ANO3: variants seen among roughly 807,000 people sequenced by gnomAD.
The protein encoded by ANO3 is anoctamin-3.
A neutral mutation model predicts 144.8 loss-of-function variants in ANO3; 99 were observed. That is an observed-to-expected ratio of 0.68 (90% confidence interval 0.58 to 0.81). The LOEUF (loss-of-function observed/expected upper bound fraction) is 0.81. Ranked by LOEUF, ANO3 falls within the 30% of genes least tolerant of loss-of-function variation. ANO3 has a pLI of 0.00. For synonymous variants in ANO3, 414 were observed against 392.6 expected, an observed-to-expected ratio of 1.05 and a Z score of -0.64; for missense variants, 905 against 1,202.2, an observed-to-expected ratio of 0.75 and a Z score of 3.66.
intron 1 of ANO3, among the ~76,000 whole-genome samples, chr11:26,385,893 G>GTTTATATATATATATATA (rs1183332896): frequency 1.4e-5 from 2 of 143,694 alleles, no homozygotes; most frequent in African/African-American, 2.7e-5. Context: ...CTTTGTGTGT[G>GTTTATATATATATATATA]TATATATATT....
At chr11:26,202,302 AT>A (rs1370956877) in intron 1 of ANO3, among the ~76,000 whole-genome samples, 2 of 144,368 alleles carry the variant, frequency 1.4e-5, no homozygotes, top group Non-Finnish European at 3.0e-5. Context: ...ATAGATACAT[AT>A]TATATATATC....
At chr11:26,563,343 A>G (rs1181356466) in intron 14 of ANO3, 9 of 1,366,682 alleles carry the variant, frequency 6.6e-6, no homozygotes, top group Non-Finnish European at 8.9e-6. Flanking sequence ...AACTTTCCAT[A>G]TAACAAAGAA....
At chr11:26,193,449 C>T (rs1050540588) in intron 1 of ANO3, among the ~76,000 whole-genome samples, 68 of 152,192 alleles carry the variant, frequency 4.5e-4, no homozygotes, top group African/African-American at 1.6e-3. Flanking sequence ...CCAATTTTGC[C>T]TATCTTTAGA....
At chr11:26,192,394 G>C (rs1192556386) in intron 1 of ANO3, among the ~76,000 whole-genome samples, 2 of 152,070 alleles carry the variant, frequency 1.3e-5, no homozygotes, top group Non-Finnish European at 2.9e-5. Flanking sequence ...TAATCTCAGT[G>C]GTGTGGCAGT....
chr11:26,517,259 G>A (rs968387115), intron 6 of ANO3, among the ~76,000 whole-genome samples: 4 of 151,928 alleles, frequency 2.6e-5, no homozygotes, highest in Admixed American at 6.6e-5. Context: ...TTTTGTGGAA[G>A]GCAGAAAGTA....
chr11:26,484,989 C>T (rs1055809820), intron 4 of ANO3, among the ~76,000 whole-genome samples: 1 of 152,134 alleles, frequency 6.6e-6, no homozygotes, highest in Non-Finnish European at 1.5e-5. Context: ...GGTGTGTTTA[C>T]CTAATGCCTG....
intron 1 of ANO3, among the ~76,000 whole-genome samples, chr11:26,420,866 ATT>A: frequency 6.6e-6 from 1 of 152,118 alleles, no homozygotes; most frequent in Non-Finnish European, 1.5e-5. Context: ...AATGGGCATT[ATT>A]TTTTTCTTTT....
At chr11:26,566,351 A>G (rs1390971317) in intron 14 of ANO3, among the ~76,000 whole-genome samples, 1 of 152,042 alleles carries the variant, frequency 6.6e-6, no homozygotes, top group Non-Finnish European at 1.5e-5. Flanking sequence ...GTCATTTGAA[A>G]TATTTATTAT....
At chr11:26,448,022 G>A (rs761331545) in intron 3 of ANO3, among the ~76,000 whole-genome samples, 12 of 152,284 alleles carry the variant, frequency 7.9e-5, no homozygotes, top group Admixed American at 3.3e-4. Context: ...TTTTAGGGCC[G>A]GGTGCAGTGG....
At chr11:26,319,199 A>T (rs1854700263) in intron 1 of ANO3, among the ~76,000 whole-genome samples, 1 of 150,902 alleles carries the variant, frequency 6.6e-6, no homozygotes, top group Non-Finnish European at 1.5e-5. Context: ...GGGTCTTTCT[A>T]TGATGCCAGG....
At chr11:26,564,765 A>T (rs1458956429) in intron 14 of ANO3, among the ~76,000 whole-genome samples, 3,714 of 101,442 alleles carry the variant, frequency 0.037, 259 homozygotes, top group Non-Finnish European at 0.057. Context: ...ATATATATAT[A>T]TATATATATA....
At chr11:26,492,519 T>C (rs1200665725) in intron 4 of ANO3, among the ~76,000 whole-genome samples, 1 of 152,216 alleles carries the variant, frequency 6.6e-6, no homozygotes, top group Non-Finnish European at 1.5e-5. Context: ...TGATTTATCA[T>C]TTAATATCTG....
rs911890967 is a variant in ANO3, at chr11:26,662,338, A to G, written c.*1894A>G. 2 of 151,722 alleles carry G rather than the reference A, an allele frequency of 1.3e-5. No homozygotes were observed. Among genetic ancestry groups the G allele is most frequent in the Admixed American group, 6.6e-5 (1 of 15,176 alleles). The allele number at this position is 151,722 out of a possible 1,614,324, so 9.4% of individuals were successfully genotyped here. ...CTCCCCCCCCTCCTTATTTGTAGCAATCGTAGCAACTAATTCCACTAAGTA... is the reference window on the plus strand; with the variant it reads ...CTCCCCCCCCTCCTTATTTGTAGCAGTCGTAGCAACTAATTCCACTAAGTA... On this transcript the variant is annotated 3_prime_UTR_variant, in exon 27 of 27. Transcript: ENST00000256737.
At chr11:26,350,686 T>C (rs1855625581) in intron 1 of ANO3, among the ~76,000 whole-genome samples, 1 of 152,294 alleles carries the variant, frequency 6.6e-6, no homozygotes, top group Admixed American at 6.5e-5. Context: ...GTTGTGATTT[T>C]TTTTCAGAAA....
intron 14 of ANO3, among the ~76,000 whole-genome samples, chr11:26,561,498 C>A (rs969919935): frequency 6.6e-6 from 1 of 151,922 alleles, no homozygotes; most frequent in South Asian, 2.1e-4. Context: ...TATATCAATA[C>A]CTTGCATAAA....
At chr11:26,558,476 G>T (rs1850155802) in intron 13 of ANO3, among the ~76,000 whole-genome samples, 1 of 152,116 alleles carries the variant, frequency 6.6e-6, no homozygotes, top group Non-Finnish European at 1.5e-5. Context: ...TATGAGCTCT[G>T]TGGGAGAATT....
At position 26,502,130 on chromosome 11, in the gene ANO3, C is replaced by T. The variant is rs187794100; in HGVS notation, c.433-5974C>T. 8.6e-4 allele frequency among the ~76,000 whole-genome samples: 131 copies of T among 152,190 alleles called. 1 individual carries two copies. In the East Asian group the frequency reaches 0.02, roughly 24 times the overall value. ...CTTATCTGTTTCCAACTGTCTTTGT[C>T]CTGAGAAAGATAATTTTCCAGAAAG... On this transcript the variant is annotated intron_variant, in intron 4 of 26. Coordinates refer to ENST00000256737, the MANE Select transcript of ANO3 (RefSeq NM_031418.4).
chr11:26,291,551 T>C (rs1410883581), intron 1 of ANO3, among the ~76,000 whole-genome samples: 1 of 152,232 alleles, frequency 6.6e-6, no homozygotes, highest in Non-Finnish European at 1.5e-5. Context: ...TGGTACCGGT[T>C]GTTCCTTTCC....
chr11:26,357,524 C>A (rs78652620), intron 1 of ANO3, among the ~76,000 whole-genome samples: 1 of 150,836 alleles, frequency 6.6e-6, no homozygotes, highest in Non-Finnish European at 1.5e-5. Flanking sequence ...TCAATTTTTT[C>A]TGTTTTTTTT....
Sources: gnomAD v4.1 joint callset for allele counts (sites outside exome capture counted in the v4.1 genomes callset) on GRCh38, gnomAD v4.1.1 for gene constraint, MANE v1.5 for transcripts, NCBI Gene and HGNC (gene_info 2026-07-23, HGNC 2026-07-21) for gene names.